The following NRG1 variants were observed in gnomAD, a reference collection of about 807,000 sequenced individuals.
NRG1 encodes pro-neuregulin-1, membrane-bound isoform.
A neutral mutation model predicts 63.8 loss-of-function variants in NRG1; 18 were observed. The observed-to-expected ratio is 0.28, with a 90% CI of 0.19 to 0.42. The LOEUF (loss-of-function observed/expected upper bound fraction) is 0.42. Ranked by LOEUF, NRG1 falls within the 10% of genes least tolerant of loss-of-function variation. NRG1 has a pLI of 1.00. For missense variants in NRG1, 762 were observed against 814.7 expected, an observed-to-expected ratio of 0.94 and a Z score of 0.79; for synonymous variants, 302 against 301.3, an observed-to-expected ratio of 1.00 and a Z score of -0.02.
intron 1 of NRG1, among the ~76,000 whole-genome samples, chr8:32,578,574 T>C (rs1840080780): frequency 2.3e-5 from 1 of 43,960 alleles, no homozygotes; most frequent in South Asian, 6.5e-4. Context: ...TGCTGATAGA[T>C]TTTTTTTTCA....
chr8:32,758,131 T>G (rs185375933), intron 9 of NRG1, among the ~76,000 whole-genome samples: 2 of 152,336 alleles, frequency 1.3e-5, no homozygotes, highest in Admixed American at 1.3e-4. Flanking sequence ...ATAAAGTGCC[T>G]TATTTCATCA....
intron 1 of NRG1, among the ~76,000 whole-genome samples, chr8:31,965,720 T>G (rs1045422151): frequency 2.0e-5 from 3 of 152,214 alleles, no homozygotes; most frequent in Non-Finnish European, 4.4e-5. Context: ...GTTTTTTGAC[T>G]TTTTAATAAT....
chr8:32,650,619 T>C (rs1057165146), intron 5 of NRG1, among the ~76,000 whole-genome samples: 1 of 145,666 alleles, frequency 6.9e-6, no homozygotes, highest in Non-Finnish European at 1.5e-5. Flanking sequence ...TTTTTGTTGT[T>C]GTTTAAAAAG....
chr8:32,145,829 C>G (rs180863645), intron 1 of NRG1, among the ~76,000 whole-genome samples: 1 of 152,320 alleles, frequency 6.6e-6, no homozygotes, highest in African/African-American at 2.4e-5. Flanking sequence ...CTAAAATTCA[C>G]TACTTCTCTG....
At chr8:32,260,716 T>C (rs1202391135) in intron 1 of NRG1, among the ~76,000 whole-genome samples, 1 of 152,112 alleles carries the variant, frequency 6.6e-6, no homozygotes, top group Non-Finnish European at 1.5e-5. Context: ...CTGCGTAGAG[T>C]AGGATGGCTA....
rs183218432 is a variant in NRG1 at position 31,811,492 on chromosome 8, A to C, written c.37+172061A>C. ...ATATGATTTTTTTCCTGGTGTCAAT[A>C]AGATTTGGCGTACAGGGAAAGACAG... is the stretch of plus-strand genomic sequence containing the variant. On this transcript the variant is annotated intron_variant, in intron 1 of 10. Coordinates refer to the NRG1 transcript ENST00000519301. Among the ~76,000 whole-genome samples the C allele has an allele frequency of 3.4e-3, 512 of 152,304 alleles. 3 individuals carry two copies. The highest frequency in any genetic ancestry group is 0.02 in the Middle Eastern group (6 of 294).
intron 6 of NRG1, among the ~76,000 whole-genome samples, chr8:32,729,836 C>A (rs369162790): frequency 6.6e-6 from 1 of 152,104 alleles, no homozygotes; most frequent in African/African-American, 2.4e-5. Flanking sequence ...GTAGATTGGG[C>A]GTGTCTGTAG....
intron 1 of NRG1, among the ~76,000 whole-genome samples, chr8:31,952,300 C>T (rs1466087917): frequency 1.3e-5 from 2 of 152,136 alleles, no homozygotes; most frequent in African/African-American, 4.8e-5. Flanking sequence ...TATTACAAAT[C>T]AAATCATAAC....
intron 1 of NRG1, among the ~76,000 whole-genome samples, chr8:31,803,097 T>C (rs914039162): frequency 2.6e-5 from 4 of 152,158 alleles, no homozygotes; most frequent in Non-Finnish European, 5.9e-5. Flanking sequence ...TGATAGACAG[T>C]ATGCTGACTT....
intron 1 of NRG1, among the ~76,000 whole-genome samples, chr8:32,173,650 A>C (rs1328590102): frequency 6.6e-6 from 1 of 152,230 alleles, no homozygotes; most frequent in African/African-American, 2.4e-5. Context: ...AGGAAGATCT[A>C]CCAAACAAAT....
intron 1 of NRG1, among the ~76,000 whole-genome samples, chr8:32,517,050 A>G (rs915571896): frequency 4.6e-5 from 7 of 152,184 alleles, no homozygotes; most frequent in Non-Finnish European, 8.8e-5. Context: ...GAGTAATTTT[A>G]TGTCAGAATA....
intron 1 of NRG1, among the ~76,000 whole-genome samples, chr8:32,078,495 C>T (rs539917817): frequency 2.3e-4 from 35 of 152,176 alleles, no homozygotes; most frequent in African/African-American, 7.0e-4. Context: ...AGGCAAATAC[C>T]GGAGCAACAG....
At chr8:31,639,937 C>T (rs1270690686) in intron 1 of NRG1, 1 of 1,119,942 alleles carries the variant, frequency 8.9e-7, no homozygotes, top group Non-Finnish European at 1.1e-6. Context: ...GCGAGAGAGC[C>T]GGGCAGAGTC....
intron 1 of NRG1, among the ~76,000 whole-genome samples, chr8:31,860,862 A>G (rs1828407959): frequency 6.6e-6 from 1 of 152,140 alleles, no homozygotes. Context: ...TTTCAAAACC[A>G]CTTTCACATA....
chr8:32,455,229 A>T (rs1180606923), intron 1 of NRG1, among the ~76,000 whole-genome samples: 1 of 152,166 alleles, frequency 6.6e-6, no homozygotes, highest in South Asian at 2.1e-4. Context: ...GAAGAAAATC[A>T]CTTTGCTTTA....
intron 1 of NRG1, among the ~76,000 whole-genome samples, chr8:32,376,182 TA>T (rs1809599956): frequency 6.6e-6 from 1 of 152,130 alleles, no homozygotes; most frequent in South Asian, 2.1e-4. Context: ...AGCTAAAAGG[TA>T]AATATAATTA....
chr8:32,681,907 C>T (rs1004375922), intron 5 of NRG1, among the ~76,000 whole-genome samples: 1 of 152,124 alleles, frequency 6.6e-6, no homozygotes, highest in Non-Finnish European at 1.5e-5. Flanking sequence ...TTCCAAATCT[C>T]AGTGCAAAAT....
At chr8:32,247,690 A>C (rs1271901941) in intron 1 of NRG1, among the ~76,000 whole-genome samples, 1 of 152,130 alleles carries the variant, frequency 6.6e-6, no homozygotes. Context: ...AAAAAGAGTG[A>C]AAAAGTAAGC....
At chr8:32,661,066 C>T (rs931718041) in intron 5 of NRG1, among the ~76,000 whole-genome samples, 2 of 152,148 alleles carry the variant, frequency 1.3e-5, no homozygotes, top group Non-Finnish European at 2.9e-5. Flanking sequence ...TTTAGGAGAA[C>T]AGAAAAGGAT....
Sources: allele counts gnomAD v4.1 joint callset (sites outside exome capture counted in the v4.1 genomes callset), GRCh38; gene constraint gnomAD v4.1.1; transcripts MANE v1.5; gene names NCBI Gene and HGNC (gene_info 2026-07-23, HGNC 2026-07-21).